The following LRPPRC variants were observed in gnomAD, a reference collection of about 807,000 sequenced individuals.
LRPPRC encodes the protein leucine-rich PPR motif-containing protein, mitochondrial.
In LRPPRC, 120 loss-of-function variants were observed where a neutral mutation model predicts 180.3. The observed-to-expected ratio is 0.67, with a 90% CI of 0.57 to 0.77. The LOEUF (loss-of-function observed/expected upper bound fraction) is 0.77, where lower values mean the gene tolerates loss of function less well. LRPPRC is among the 30% of genes least tolerant of loss of function. LRPPRC has a pLI of 0.00. For missense variants in LRPPRC, 2,012 were observed against 1,657.2 expected, an observed-to-expected ratio of 1.21 and a Z score of -3.72; for synonymous variants, 723 against 600.0, an observed-to-expected ratio of 1.21 and a Z score of -3.00.
chr2:43,978,476 T>C (rs1438366026), intron 3 of LRPPRC, among the ~76,000 whole-genome samples: 1 of 152,170 alleles, frequency 6.6e-6, no homozygotes, highest in Non-Finnish European at 1.5e-5. Context: ...ATTAATGTTA[T>C]TACTGCTGTG....
At chr2:43,904,139 G>T (rs981091909) in intron 31 of LRPPRC, among the ~76,000 whole-genome samples, 1 of 151,930 alleles carries the variant, frequency 6.6e-6, no homozygotes. Flanking sequence ...ACAAGGTCTC[G>T]CTACACTGCC....
chr2:43,966,943 A>G (rs1264187688), intron 11 of LRPPRC, among the ~76,000 whole-genome samples: 3 of 151,848 alleles, frequency 2.0e-5, no homozygotes, highest in Admixed American at 1.3e-4. Context: ...CCCAGCTACT[A>G]GAGAGGCTGA....
chr2:43,990,472 T>C (rs371294302), intron 1 of LRPPRC, among the ~76,000 whole-genome samples: 1 of 152,310 alleles, frequency 6.6e-6, no homozygotes. Context: ...CTTAAAATCC[T>C]CCAACGGCTT....
intron 30 of LRPPRC, among the ~76,000 whole-genome samples, chr2:43,908,964 T>G (rs1671159014): frequency 6.6e-6 from 1 of 152,234 alleles, no homozygotes. Flanking sequence ...AGTAGCTCAT[T>G]TGACCACCAT....
At chr2:43,976,725 A>AAAAAAAAAAAAC (rs1559046249) in intron 5 of LRPPRC, among the ~76,000 whole-genome samples, 1 of 148,808 alleles carries the variant, frequency 6.7e-6, no homozygotes. Context: ...AAAAAAAAAA[A>AAAAAAAAAAAAC]AAGCAAAGTC....
At chr2:43,989,420 G>T (rs779470005) in intron 1 of LRPPRC, among the ~76,000 whole-genome samples, 5 of 152,136 alleles carry the variant, frequency 3.3e-5, no homozygotes, top group Non-Finnish European at 5.9e-5. Flanking sequence ...TGTCTCCTGT[G>T]TCTCACCTAT....
chr2:43,941,837 TA>T (rs35278650), intron 23 of LRPPRC, among the ~76,000 whole-genome samples: 42,562 of 92,738 alleles, frequency 0.46, 6,917 homozygotes, highest in Middle Eastern at 0.56. Context: ...CAAAGTAGTC[TA>T]AAAAAAAAAA....
At chr2:43,941,774 C>CT (rs1273047654) in intron 23 of LRPPRC, among the ~76,000 whole-genome samples, 5 of 148,340 alleles carry the variant, frequency 3.4e-5, no homozygotes, top group African/African-American at 1.2e-4. Flanking sequence ...GTCAATAGCC[C>CT]TTTTTATTAT....
chr2:43,975,615 C>T (rs1276934275), intron 6 of LRPPRC, among the ~76,000 whole-genome samples: 10 of 151,192 alleles, frequency 6.6e-5, no homozygotes, highest in Non-Finnish European at 7.4e-5. Flanking sequence ...TGGAGTCTTG[C>T]TCTGTCTCCC....
At chr2:43,936,722 C>T (rs913620524) in intron 23 of LRPPRC, among the ~76,000 whole-genome samples, 1 of 152,066 alleles carries the variant, frequency 6.6e-6, no homozygotes, top group South Asian at 2.1e-4. Flanking sequence ...CTTACTAAGC[C>T]CTGTTTACAG....
intron 30 of LRPPRC, among the ~76,000 whole-genome samples, chr2:43,911,613 A>C (rs1322887563): frequency 7.8e-6 from 1 of 128,804 alleles, no homozygotes; most frequent in African/African-American, 3.0e-5. Context: ...CGCAACCTCC[A>C]CCTCCTGGGT....
In LRPPRC at chr2:43,991,016, A is replaced by T. The variant is rs140671086; in HGVS notation, c.149+4783T>A. ...ATGGGCCACCACGCCTGGCTAACTT[A>T]TGTATAGATACTTTTATTTTTTTTT... On this transcript the variant is annotated intron_variant, in intron 1 of 37. Transcript: ENST00000260665. 6.0e-3 allele frequency among the ~76,000 whole-genome samples: 888 copies of T among 148,782 alleles called. 9 individuals are homozygous for T. Among genetic ancestry groups the T allele is most frequent in the African/African-American group, 0.021 (844 of 40,670 alleles).
chr2:43,935,121 G>A (rs888511865), intron 23 of LRPPRC, among the ~76,000 whole-genome samples: 11 of 152,228 alleles, frequency 7.2e-5, no homozygotes, highest in East Asian at 1.9e-4. Flanking sequence ...TTATTATTTC[G>A]TGTGTTAAAG....
At chr2:43,984,431 G>A (rs1395706372) in intron 1 of LRPPRC, among the ~76,000 whole-genome samples, 11 of 152,136 alleles carry the variant, frequency 7.2e-5, no homozygotes. Context: ...CTAGCACATT[G>A]TTCTGAATAT....
intron 23 of LRPPRC, among the ~76,000 whole-genome samples, chr2:43,939,274 G>A (rs192712481): frequency 1.5e-3 from 225 of 151,018 alleles, no homozygotes; most frequent in Admixed American, 4.4e-3. Flanking sequence ...GCAAGACTCC[G>A]TCTCAAAAAA....
At chr2:43,984,716 G>C (rs1351903776) in intron 1 of LRPPRC, among the ~76,000 whole-genome samples, 1 of 152,150 alleles carries the variant, frequency 6.6e-6, no homozygotes, top group Non-Finnish European at 1.5e-5. Context: ...AACAAGTCCA[G>C]GGGTGACGGT....
chr2:43,963,817 A>G (rs1673450677), intron 11 of LRPPRC, 111 bp from the exon 12 acceptor site: 4 of 767,982 alleles, frequency 5.2e-6, no homozygotes, highest in Non-Finnish European at 9.4e-6. Context: ...AAAATTACTC[A>G]GCAATTCGTT....
At chr2:43,955,719 C>T (rs1006146881) in intron 14 of LRPPRC, among the ~76,000 whole-genome samples, 13 of 151,760 alleles carry the variant, frequency 8.6e-5, no homozygotes, top group Non-Finnish European at 1.0e-4. Flanking sequence ...GCCTTGGGGA[C>T]AGAGCGAGAC....
In LRPPRC at chr2:43,945,348, C is replaced by T. The variant is rs762970067; in HGVS notation, c.2280G>A (p.Lys760=). 2 of 1,611,592 alleles carry T rather than the reference C, an allele frequency of 1.2e-6. No homozygotes were observed. The highest frequency in any genetic ancestry group is 4.5e-5 in the East Asian group (2 of 44,862). The change falls in exon 22 of 38, where the codon AAG becomes AAA. Residue 760 remains lysine (K), a synonymous_variant. Coordinates refer to ENST00000260665, the MANE Select transcript of LRPPRC (RefSeq NM_133259.4). The stretch of plus-strand genomic sequence containing the variant: ...GAGGCTTACCTTGGAGCTTGCCATG[C>T]TTTGCCAATACTCTTACAAGGCCTA... The part of the protein sequence containing the change: ...KYVGLVRVLA[K]HGKLQDAINI...
Sources: gnomAD v4.1 joint callset for allele counts (sites outside exome capture counted in the v4.1 genomes callset) on GRCh38, gnomAD v4.1.1 for gene constraint, MANE v1.5 for transcripts, NCBI Gene and HGNC (gene_info 2026-07-23, HGNC 2026-07-21) for gene names.